Variants in TDRD7 observed in about 807,000 individuals in gnomAD.
The protein encoded by TDRD7 is tudor domain-containing protein 7.
TDRD7 carries 47 observed loss-of-function variants against 109.8 expected under a neutral mutation model. The observed-to-expected ratio is 0.43, with a 90% CI of 0.34 to 0.55. TDRD7 has a LOEUF of 0.55. Among genes scored for constraint, TDRD7 ranks in the 20% least tolerant of loss-of-function variants. TDRD7 has a pLI of 0.03. For synonymous variants in TDRD7, 424 were observed against 457.3 expected (o/e 0.93, Z 0.93); for missense variants, 1,164 against 1,319.2 (o/e 0.88, Z 1.82).
intron 2 of TDRD7, among the ~76,000 whole-genome samples, chr9:97,430,096 T>C (rs1289070837): frequency 6.6e-6 from 1 of 152,210 alleles, no homozygotes; most frequent in African/African-American, 2.4e-5. Flanking sequence ...GTTTTCCTGT[T>C]TTTGATTTCA....
chr9:97,424,884 C>G, intron 1 of TDRD7, among the ~76,000 whole-genome samples: 1 of 151,126 alleles, frequency 6.6e-6, no homozygotes, highest in Non-Finnish European at 1.5e-5. Flanking sequence ...TTTTTTTTAA[C>G]TTCTGCTTGC....
At chr9:97,432,937 C>T (rs907756532) in intron 4 of TDRD7, among the ~76,000 whole-genome samples, 2 of 152,094 alleles carry the variant, frequency 1.3e-5, no homozygotes, top group African/African-American at 4.8e-5. Flanking sequence ...TTGCATATGC[C>T]TCTGGGTGCT....
At chr9:97,421,456 ATTG>A (rs1475014685) in intron 1 of TDRD7, among the ~76,000 whole-genome samples, 1 of 152,112 alleles carries the variant, frequency 6.6e-6, no homozygotes, top group Non-Finnish European at 1.5e-5. Context: ...AGTTTTGAGT[ATTG>A]TTTATATATG....
chr9:97,479,922 C>T (rs1383849527), intron 13 of TDRD7, among the ~76,000 whole-genome samples: 5 of 152,160 alleles, frequency 3.3e-5, no homozygotes, highest in Admixed American at 6.5e-5. Context: ...CTGGCCCCAT[C>T]GGGTCTGCCC....
chr9:97,459,196 T>TG (rs1828667743), intron 6 of TDRD7, among the ~76,000 whole-genome samples: 1 of 152,202 alleles, frequency 6.6e-6, no homozygotes, highest in Non-Finnish European at 1.5e-5. Flanking sequence ...AACTAACAGA[T>TG]GCAGTCCATC....
In TDRD7 at chr9:97,480,885, G is replaced by A. The variant is rs1048998075; in HGVS notation, c.2359G>A (p.Ala787Thr). The change falls in exon 14 of 17, where the codon GCA becomes ACA. Residue 787 changes from alanine (A) to threonine (T), a missense_variant. Ala to Thr is a moderately conservative substitution (Grantham distance 58, BLOSUM62 0). Transcript: ENST00000355295. The part of the protein sequence containing the change: ...PQSIGMWTPD[A>T]VLWLRDSVLN... ...ATCTATTGGCATGTGGACACCAGAT[G>A]CAGTGCTGTGGTTAAGAGATTCTGT... 1.9e-6 allele frequency: 3 copies of A among 1,614,134 alleles called. No homozygotes were observed. The highest frequency in any genetic ancestry group is 1.1e-5 in the South Asian group (1 of 91,080).
At chr9:97,458,922 A>G (rs1272858211) in intron 6 of TDRD7, among the ~76,000 whole-genome samples, 1 of 152,212 alleles carries the variant, frequency 6.6e-6, no homozygotes, top group Non-Finnish European at 1.5e-5. Flanking sequence ...GTAAAAAGTC[A>G]GTGTTCTTTA....
chr9:97,483,416 C>G, intron 15 of TDRD7, 65 bp downstream of exon 15: 1 of 1,580,900 alleles, frequency 6.3e-7, no homozygotes, highest in Non-Finnish European at 8.6e-7. Context: ...ATGCCAGAGT[C>G]TTAATCTTGG....
At chr9:97,432,814 A>G (rs766819145) in intron 4 of TDRD7, among the ~76,000 whole-genome samples, 2 of 152,234 alleles carry the variant, frequency 1.3e-5, no homozygotes, top group African/African-American at 4.8e-5. Context: ...GTTCAAAACT[A>G]TGGTTTTATA....
At chr9:97,453,103 G>A (rs1828527792) in intron 6 of TDRD7, among the ~76,000 whole-genome samples, 2 of 152,294 alleles carry the variant, frequency 1.3e-5, no homozygotes, top group South Asian at 4.1e-4. Context: ...TGGACAGTGG[G>A]GGATGGGGCT....
intron 6 of TDRD7, among the ~76,000 whole-genome samples, chr9:97,457,768 T>C (rs931311385): frequency 6.6e-6 from 1 of 152,026 alleles, no homozygotes; most frequent in Non-Finnish European, 1.5e-5. Flanking sequence ...ATAAAGAAAA[T>C]GTGGTGCGTA....
intron 16 of TDRD7, among the ~76,000 whole-genome samples, chr9:97,489,595 T>C (rs1829266909): frequency 6.6e-6 from 1 of 152,212 alleles, no homozygotes; most frequent in Non-Finnish European, 1.5e-5. Flanking sequence ...TTTTATTTAC[T>C]CTGACAATCT....
intron 12 of TDRD7, 125 bp from the exon 13 acceptor site, chr9:97,478,314 A>G: frequency 5.4e-6 from 5 of 929,698 alleles, no homozygotes; most frequent in East Asian, 2.6e-5. Flanking sequence ...AATTAGGGGA[A>G]AATTTTAACA....
chr9:97,458,721 A>G (rs1828661326), intron 6 of TDRD7, among the ~76,000 whole-genome samples: 1 of 152,212 alleles, frequency 6.6e-6, no homozygotes, highest in African/African-American at 2.4e-5. Context: ...AGGAAAACCT[A>G]ATGTTTTATA....
chr9:97,434,457 T>C (rs1247498042), intron 4 of TDRD7, among the ~76,000 whole-genome samples: 1 of 152,158 alleles, frequency 6.6e-6, no homozygotes, highest in East Asian at 1.9e-4. Context: ...TGATATATTG[T>C]GTACTTGCAA....
chr9:97,420,364 T>TGGGGGG (rs34308257), intron 1 of TDRD7, among the ~76,000 whole-genome samples: 133 of 66,500 alleles, frequency 2.0e-3, no homozygotes, highest in African/African-American at 2.8e-3. Context: ...AACTTTTTTT[T>TGGGGGG]GGGGGGGGCG....
chr9:97,446,741 T>G (rs1828407756), intron 6 of TDRD7, among the ~76,000 whole-genome samples: 2 of 152,292 alleles, frequency 1.3e-5, no homozygotes, highest in South Asian at 4.1e-4. Flanking sequence ...CTAACTTAAT[T>G]TTAATTACGG....
intron 12 of TDRD7, 97 bp from the exon 13 acceptor site, chr9:97,478,342 T>C: frequency 6.5e-6 from 9 of 1,377,584 alleles, no homozygotes; most frequent in Non-Finnish European, 9.3e-6. Context: ...TCTGTTCCTT[T>C]TAATATGCAT....
At chr9:97,452,070 C>T (rs1020496910) in intron 6 of TDRD7, among the ~76,000 whole-genome samples, 3 of 152,132 alleles carry the variant, frequency 2.0e-5, no homozygotes, top group Non-Finnish European at 4.4e-5. Context: ...CTCAGCTGGC[C>T]TGGCATGGCA....
Sources: gnomAD v4.1 joint callset for allele counts (sites outside exome capture counted in the v4.1 genomes callset) on GRCh38, gnomAD v4.1.1 for gene constraint, MANE v1.5 for transcripts, NCBI Gene and HGNC (gene_info 2026-07-23, HGNC 2026-07-21) for gene names.